Variants in IQCK observed in about 807,000 individuals in gnomAD.
The protein encoded by IQCK is IQ motif containing K, also known as IQ domain-containing protein K.
In IQCK, 29 loss-of-function variants were observed where a neutral mutation model predicts 28.1. The observed-to-expected ratio is 1.03, with a 90% CI of 0.77 to 1.41. The LOEUF is 1.41. Among genes scored for constraint, IQCK ranks in the 40% most tolerant of loss-of-function variants. The pLI is 0.00. For missense variants in IQCK, 359 were observed against 314.7 expected (o/e 1.14, Z -1.07); for synonymous variants, 113 against 115.1 (o/e 0.98, Z 0.12).
chr16:19,818,346 T>TTG lies in IQCK; in HGVS notation c.691-8660_691-8659dup, dbSNP rs373750645. ...TCTGAGATTTGCATGACACACTACT[T>TTG]TGTGTGTGTGTGTGTGTGTGTATAC... On this transcript the variant is annotated intron_variant, in intron 7 of 7. Coordinates refer to ENST00000564186, the Ensembl canonical transcript of IQCK. Among the ~76,000 whole-genome samples, 1,306 of 150,632 alleles carry TTG rather than the reference T, an allele frequency of 8.7e-3. 7 individuals are homozygous for TTG. The highest frequency in any genetic ancestry group is 0.013 in the African/African-American group (528 of 41,118).
intron 9 of IQCK, among the ~76,000 whole-genome samples, chr16:19,854,537 C>T (rs1027864778): frequency 2.6e-5 from 4 of 152,204 alleles, no homozygotes; most frequent in African/African-American, 9.7e-5. Context: ...ACAATTTCCC[C>T]CTATTGCAGA....
At chr16:19,827,951 C>T (rs1349976168), downstream of IQCK, among the ~76,000 whole-genome samples, 4 of 151,790 alleles carry the variant, frequency 2.6e-5, no homozygotes, top group African/African-American at 9.7e-5. Context: ...TCACTCTGTT[C>T]GCCCAGGCTG....
chr16:19,755,165 A>G (rs930531399), intron 4 of IQCK, among the ~76,000 whole-genome samples: 2 of 152,166 alleles, frequency 1.3e-5, no homozygotes, highest in Non-Finnish European at 2.9e-5. Context: ...CTGGAAATGT[A>G]TTGTGGAAAA....
In IQCK at chr16:19,851,683, A is replaced by AGATTTTCCACTC. The variant is rs911161677; in HGVS notation, c.803-4803_803-4802insATTTTCCACTCG. Among the ~76,000 whole-genome samples the AGATTTTCCACTC allele has an allele frequency of 2.6e-4, 39 of 152,198 alleles. 1 individual carries two copies. Among genetic ancestry groups the AGATTTTCCACTC allele is most frequent in the Admixed American group, 2.4e-3 (37 of 15,276 alleles). On this transcript the variant is annotated intron_variant, in intron 9 of 9. Transcript: ENST00000320394. ...TCTCTCTGGGATTTTCCACTCTCCC[A>AGATTTTCCACTC]GCCCTTCCGGAACTGGCTGGGCACC... is the stretch of plus-strand genomic sequence containing the variant.
At chr16:19,754,100 G>A (rs920580122) in intron 4 of IQCK, among the ~76,000 whole-genome samples, 1 of 151,970 alleles carries the variant, frequency 6.6e-6, no homozygotes, top group Non-Finnish European at 1.5e-5. Flanking sequence ...CCTTATCAGG[G>A]TTCACACCTG....
At chr16:19,836,674 T>C (rs1748887254) in intron 9 of IQCK, among the ~76,000 whole-genome samples, 2 of 152,080 alleles carry the variant, frequency 1.3e-5, no homozygotes, top group South Asian at 2.1e-4. Flanking sequence ...CCACCACGCC[T>C]GGCTAATTTT....
chr16:19,724,023 G>C (rs574310019), intron 1 of IQCK, among the ~76,000 whole-genome samples: 2 of 151,576 alleles, frequency 1.3e-5, no homozygotes, highest in African/African-American at 4.8e-5. Context: ...CAGACTCCTT[G>C]GGGGTGAGTC....
At chr16:19,823,548 C>A (rs1015460402) in intron 7 of IQCK, among the ~76,000 whole-genome samples, 1 of 152,148 alleles carries the variant, frequency 6.6e-6, no homozygotes, top group Admixed American at 6.6e-5. Context: ...GAAGCACTGA[C>A]CGGGGCATGT....
intron 9 of IQCK, among the ~76,000 whole-genome samples, chr16:19,834,626 A>G (rs1180497669): frequency 2.0e-5 from 3 of 152,214 alleles, no homozygotes; most frequent in Non-Finnish European, 4.4e-5. Context: ...TGAGAGCCCC[A>G]TTCAAAGGCT....
intron 1 of IQCK, among the ~76,000 whole-genome samples, chr16:19,728,176 A>G (rs554851138): frequency 6.6e-6 from 1 of 152,020 alleles, no homozygotes; most frequent in Admixed American, 6.6e-5. Context: ...AGTGCCTTCT[A>G]AGAGTTGAGA....
chr16:19,786,141 G>T (rs553377736), intron 6 of IQCK, among the ~76,000 whole-genome samples: 1 of 152,328 alleles, frequency 6.6e-6, no homozygotes, highest in South Asian at 2.1e-4. Context: ...GGTCTCTCTA[G>T]AAGCTGTTGA....
chr16:19,759,319 C>T (rs193124129), intron 4 of IQCK, among the ~76,000 whole-genome samples: 3 of 152,278 alleles, frequency 2.0e-5, no homozygotes, highest in Admixed American at 2.0e-4. Context: ...AGCGATTCTC[C>T]TCTCTCAGCT....
chr16:19,810,157 T>G (rs1310120044), intron 7 of IQCK, among the ~76,000 whole-genome samples: 3 of 152,128 alleles, frequency 2.0e-5, no homozygotes, highest in African/African-American at 4.8e-5. Context: ...TGCACAAGTT[T>G]AGGCAAGTTA....
At chr16:19,725,531 G>C (rs1977628481) in intron 1 of IQCK, among the ~76,000 whole-genome samples, 1 of 152,152 alleles carries the variant, frequency 6.6e-6, no homozygotes, top group Non-Finnish European at 1.5e-5. Context: ...TTCTAATGCA[G>C]AACAGAGCAG....
chr16:19,771,015 C>G lies in IQCK; in HGVS notation c.605+6903C>G, dbSNP rs117173966. On this transcript the variant is annotated intron_variant, in intron 6 of 7. Coordinates refer to ENST00000564186, the Ensembl canonical transcript of IQCK. The stretch of plus-strand genomic sequence containing the variant: ...ATAATTCAGGATAACCTTCCCATTG[C>G]AAAATCCTTGACTTAATCGCATCTG... Among the ~76,000 whole-genome samples, 887 of 152,318 alleles carry G rather than the reference C, an allele frequency of 5.8e-3. 4 individuals are homozygous for G. Among genetic ancestry groups the G allele is most frequent in the South Asian group, 0.011 (54 of 4,828 alleles).
intron 9 of IQCK, among the ~76,000 whole-genome samples, chr16:19,833,225 A>G (rs919536265): frequency 1.3e-5 from 2 of 152,202 alleles, no homozygotes; most frequent in Non-Finnish European, 2.9e-5. Context: ...TATAACTGAA[A>G]GTTTGTACCC....
chr16:19,765,073 T>C (rs2055210923), intron 6 of IQCK, among the ~76,000 whole-genome samples: 1 of 148,116 alleles, frequency 6.8e-6, no homozygotes, highest in South Asian at 2.2e-4. Flanking sequence ...ATACAAAAAA[T>C]TAGCCAGGCA....
chr16:19,766,376 A>G (rs2055238024), intron 6 of IQCK, among the ~76,000 whole-genome samples: 1 of 152,242 alleles, frequency 6.6e-6, no homozygotes, highest in Non-Finnish European at 1.5e-5. Flanking sequence ...GAGACCATCC[A>G]CGTGCCCTTC....
At chr16:19,742,149 C>G (rs541463608) in intron 4 of IQCK, among the ~76,000 whole-genome samples, 1 of 152,156 alleles carries the variant, frequency 6.6e-6, no homozygotes, top group Non-Finnish European at 1.5e-5. Context: ...GACAGCAGAC[C>G]TGCTCCTGTC....
Sources: gnomAD v4.1 joint callset for allele counts (sites outside exome capture counted in the v4.1 genomes callset) on GRCh38, gnomAD v4.1.1 for gene constraint, MANE v1.5 for transcripts, NCBI Gene and HGNC (gene_info 2026-07-23, HGNC 2026-07-21) for gene names.